WWC1: variants seen among roughly 807,000 people sequenced by gnomAD.
WWC1 encodes WW and C2 domain containing 1, also known as protein KIBRA.
In WWC1, 55 loss-of-function variants were observed where a neutral mutation model predicts 138.4. The observed-to-expected ratio is 0.40, with a 90% CI of 0.32 to 0.50. The LOEUF is 0.50. WWC1 is among the 20% of genes least tolerant of loss of function. WWC1 has a pLI of 0.72. For missense variants in WWC1, 1,226 were observed against 1,420.4 expected, an observed-to-expected ratio of 0.86 and a Z score of 2.20; for synonymous variants, 524 against 564.9, an observed-to-expected ratio of 0.93 and a Z score of 1.03.
At chr5:168,383,633 G>A (rs1189498354) in intron 2 of WWC1, among the ~76,000 whole-genome samples, 1 of 152,176 alleles carries the variant, frequency 6.6e-6, no homozygotes, top group Non-Finnish European at 1.5e-5. Context: ...ACCCAAGGTG[G>A]CCAGAACTTC....
At chr5:168,316,881 C>T (rs1242631616) in intron 1 of WWC1, 2 of 152,186 alleles carry the variant, frequency 1.3e-5, no homozygotes, top group Non-Finnish European at 2.9e-5. Flanking sequence ...TGAACCCATT[C>T]CCTTTCTCTT....
chr5:168,455,377 G>A lies in WWC1; in HGVS notation c.2680G>A (p.Glu894Lys). The change falls in exon 19 of 23, where the codon GAG (glutamate) becomes AAG (lysine). Residue 894 changes from glutamate to lysine, a missense_variant. By Grantham distance (56) the Glu-to-Lys change is moderately conservative. Transcript: ENST00000265293. ...TCAGGTGGACAAAGAGACCAACACG[G>A]AGACCCCGGCCCCATCCCCCACAGT... ...ALKVDKETNT[E>K]TPAPSPTVVR... 6.3e-7 allele frequency: 1 copy of A among 1,581,614 alleles called. No individual in the cohort carries two copies. Among genetic ancestry groups the A allele is most frequent in the Non-Finnish European group, 8.6e-7 (1 of 1,167,282 alleles).
chr5:168,339,841 C>CTTTTTCT (rs1203634297), intron 1 of WWC1, among the ~76,000 whole-genome samples: 3 of 144,624 alleles, frequency 2.1e-5, no homozygotes, highest in African/African-American at 8.2e-5. Flanking sequence ...TTTTTCTTTT[C>CTTTTTCT]TTTCTTTCTT....
chr5:168,459,882 C>T (rs1756652156), intron 19 of WWC1, among the ~76,000 whole-genome samples: 1 of 152,146 alleles, frequency 6.6e-6, no homozygotes, highest in Non-Finnish European at 1.5e-5. Flanking sequence ...ACTCTGCTCC[C>T]ACCTCCCAGG....
chr5:168,428,899 C>T, intron 13 of WWC1, 112 bp downstream of exon 13: 1 of 1,066,892 alleles, frequency 9.4e-7, no homozygotes, highest in Non-Finnish European at 1.4e-6. Flanking sequence ...GAAGGCAGCA[C>T]CAGCAGGACC....
chr5:168,299,731 G>A (rs1053304072), intron 1 of WWC1, among the ~76,000 whole-genome samples: 1 of 152,262 alleles, frequency 6.6e-6, no homozygotes, highest in Non-Finnish European at 1.5e-5. Flanking sequence ...AAGTTCAGGT[G>A]CACGTAAGGA....
rs374603719 is a variant in WWC1, at chr5:168,299,415, AAC to A, written c.119+7145_119+7146del. The stretch of plus-strand genomic sequence containing the variant: ...CTCCACCTTCTGGGAGCAGCTGGCT[AAC>A]CAGAGCTTTGGGGATGGGAGAAGAG... On this transcript the variant is annotated intron_variant, in intron 1 of 22. Coordinates refer to ENST00000265293, the MANE Select transcript of WWC1 (RefSeq NM_015238.3). Among the ~76,000 whole-genome samples, 449 of 152,322 alleles carry A rather than the reference AAC, an allele frequency of 2.9e-3. 3 individuals are homozygous for A. Among genetic ancestry groups the A allele is most frequent in the African/African-American group, 0.01 (434 of 41,568 alleles).
intron 14 of WWC1, 61 bp downstream of exon 14, chr5:168,430,284 G>T: frequency 1.4e-6 from 2 of 1,452,188 alleles, no homozygotes; most frequent in Non-Finnish European, 9.5e-7. Context: ...ACCCCTGGGG[G>T]TCACTTTTCT....
chr5:168,292,287 C>T lies in WWC1; in HGVS notation c.119+16C>T. 2 of 1,584,232 alleles carry T rather than the reference C, an allele frequency of 1.3e-6. No homozygotes were observed. Among genetic ancestry groups the T allele is most frequent in the East Asian group, 2.3e-5 (1 of 43,146 alleles). ...CGCGGGACAGGTAGGACCCTGGAAC[C>T]CTCCTCCGTGCCCCCACACCCCCGC... On this transcript the variant is annotated intron_variant, in intron 1 of 22. Coordinates refer to ENST00000265293, the MANE Select transcript of WWC1 (RefSeq NM_015238.3). The surrounding 1 kb of genome is among the most constrained non-coding windows in gnomAD (Gnocchi z 4.4).
chr5:168,398,993 C>A (rs1010749509), intron 4 of WWC1, among the ~76,000 whole-genome samples: 1 of 152,162 alleles, frequency 6.6e-6, no homozygotes, highest in Non-Finnish European at 1.5e-5. Flanking sequence ...ACCAGCAGAC[C>A]GAGTCTAGCT....
chr5:168,397,728 C>T lies in WWC1; in HGVS notation c.438C>T (p.Val146=), dbSNP rs952618393. Residue 146 remains valine, a synonymous_variant, in exon 4 of 23, where the codon GTC becomes GTT. Coordinates refer to ENST00000265293, the MANE Select transcript of WWC1 (RefSeq NM_015238.3). The part of the protein sequence containing the change: ...EHKLGSQVSL[V]SGSSSSSKYD... ...GTTTTTCTTTTTTCCTTACAGTGGT[C>T]TCTGGTTCATCATCCAGCTCCAAGT... The T allele has an allele frequency of 6.2e-6, 10 of 1,613,820 alleles. No homozygotes were observed. The highest frequency in any genetic ancestry group is 1.3e-5 in the African/African-American group (1 of 74,870).
Position 168,412,832 on chromosome 5 carries a change from T to A in WWC1, c.942-1516T>A, listed in dbSNP as rs987359400. Among the ~76,000 whole-genome samples the A allele has an allele frequency of 5.3e-5, 8 of 152,218 alleles. No homozygotes were observed. In the East Asian group the frequency reaches 1.5e-3, roughly 29 times the overall value. ...AGTAATCTAGAGATGATTTAAAGTA[T>A]ACAGGAGAGTATGCATAGGTTATAT... On this transcript the variant is annotated intron_variant, in intron 8 of 22. Coordinates refer to ENST00000265293, the MANE Select transcript of WWC1 (RefSeq NM_015238.3).
chr5:168,324,220 C>T (rs757735550), intron 1 of WWC1, among the ~76,000 whole-genome samples: 1 of 152,096 alleles, frequency 6.6e-6, no homozygotes, highest in African/African-American at 2.4e-5. Context: ...CGGATCATGA[C>T]GTCAGGAGTT....
intron 1 of WWC1, among the ~76,000 whole-genome samples, chr5:168,360,985 G>A (rs1330705702): frequency 6.6e-6 from 1 of 152,226 alleles, no homozygotes; most frequent in Non-Finnish European, 1.5e-5. Flanking sequence ...GAAGGAATAA[G>A]GCTGGGAGTT....
intron 5 of WWC1, among the ~76,000 whole-genome samples, chr5:168,404,146 GC>G (rs2152835502): frequency 6.6e-6 from 1 of 152,234 alleles, no homozygotes; most frequent in East Asian, 1.9e-4. Context: ...GGGATTCGAA[GC>G]CCTTCTTGCC....
chr5:168,296,928 T>C (rs1429080105), intron 1 of WWC1, among the ~76,000 whole-genome samples: 1 of 152,228 alleles, frequency 6.6e-6, no homozygotes, highest in African/African-American at 2.4e-5. Context: ...CAGGCATGAT[T>C]TCACTTACCT....
At chr5:168,346,365 C>T (rs1774474689) in intron 1 of WWC1, among the ~76,000 whole-genome samples, 1 of 152,188 alleles carries the variant, frequency 6.6e-6, no homozygotes, top group Non-Finnish European at 1.5e-5. Context: ...ACAATGCCCG[C>T]AGAAAACAGC....
intron 2 of WWC1, among the ~76,000 whole-genome samples, chr5:168,378,427 A>AT (rs1299035236): frequency 6.6e-6 from 1 of 152,208 alleles, no homozygotes; most frequent in East Asian, 1.9e-4. Flanking sequence ...TAAAAGTTAA[A>AT]TTTTTTAAAA....
rs182239644 is a variant in WWC1 at position 168,429,715 on chromosome 5, C to T, written c.2001-422C>T. ...TTGGGAGGCTGAGGCAGAGGAATCACTTGATTCCAGGAGTTCAGGACCAGC... is the reference window on the plus strand; with the variant it reads ...TTGGGAGGCTGAGGCAGAGGAATCATTTGATTCCAGGAGTTCAGGACCAGC... On this transcript the variant is annotated intron_variant, in intron 13 of 22. Transcript: ENST00000265293. Among the ~76,000 whole-genome samples, 386 of 152,160 alleles carry T rather than the reference C, an allele frequency of 2.5e-3. 3 individuals carry two copies. Among genetic ancestry groups the T allele is most frequent in the Non-Finnish European group, 2.0e-3 (137 of 68,022 alleles).
Sources: allele counts gnomAD v4.1 joint callset (sites outside exome capture counted in the v4.1 genomes callset), GRCh38; gene constraint gnomAD v4.1.1; non-coding constraint Gnocchi (gnomAD v3.1); transcripts MANE v1.5; gene names NCBI Gene and HGNC (gene_info 2026-07-23, HGNC 2026-07-21).